Variants in TRIM33 observed in about 807,000 individuals in gnomAD.
TRIM33 encodes the protein E3 ubiquitin-protein ligase TRIM33.
A neutral mutation model predicts 125.4 loss-of-function variants in TRIM33; 20 were observed. That is an observed-to-expected ratio of 0.16 (90% confidence interval 0.11 to 0.23). The LOEUF (loss-of-function observed/expected upper bound fraction) is 0.23. Ranked by LOEUF, TRIM33 falls within the 10% of genes least tolerant of loss-of-function variation. The pLI, the probability that TRIM33 is intolerant of heterozygous loss-of-function variation, is 1.00. For synonymous variants in TRIM33, 564 were observed against 513.9 expected (o/e 1.10, Z -1.32); for missense variants, 920 against 1,411.4 (o/e 0.65, Z 5.58).
intron 13 of TRIM33, among the ~76,000 whole-genome samples, chr1:114,407,358 G>GCA (rs1322249688): frequency 1.3e-5 from 2 of 150,858 alleles, no homozygotes; most frequent in African/African-American, 2.4e-5. Flanking sequence ...ACACACACAC[G>GCA]CACACACACA....
Position 114,397,598 on chromosome 1 carries a change from TTTTTTTTCG to T in TRIM33, c.*41_*49del. ...TTTCTGGGTTTTTTGTGTTTTTTTT[TTTTTTTTCG>T]TTTTTTTTTTTTTAAACAATTGATT... is the stretch of plus-strand genomic sequence containing the variant. On this transcript the variant is annotated 3_prime_UTR_variant, in exon 20 of 20. Transcript: ENST00000358465. 1 of 1,075,446 alleles carries T rather than the reference TTTTTTTTCG, an allele frequency of 9.3e-7. No individual in the cohort carries two copies. The highest frequency in any genetic ancestry group is 1.7e-5 in the African/African-American group (1 of 60,068). The allele number at this position is 1,075,446 out of a possible 1,614,324, so 66.6% of individuals were successfully genotyped here.
chr1:114,432,764 C>T (rs910982309), intron 5 of TRIM33, among the ~76,000 whole-genome samples: 3 of 151,900 alleles, frequency 2.0e-5, no homozygotes, highest in South Asian at 4.2e-4. Flanking sequence ...CCAGCCTGGG[C>T]GACAGACCGA....
intron 11 of TRIM33, among the ~76,000 whole-genome samples, chr1:114,414,847 C>T (rs1334581407): frequency 6.6e-6 from 1 of 151,980 alleles, no homozygotes; most frequent in Non-Finnish European, 1.5e-5. Flanking sequence ...GTGGTCCTTC[C>T]TCCCAAAGCT....
chr1:114,468,386 GT>G, intron 1 of TRIM33: 1 of 335,228 alleles, frequency 3.0e-6, no homozygotes. Context: ...CAGTCCTTTA[GT>G]TAGAGGAGGA....
intron 4 of TRIM33, among the ~76,000 whole-genome samples, chr1:114,456,152 A>C (rs1411771277): frequency 2.0e-5 from 3 of 152,310 alleles, no homozygotes; most frequent in East Asian, 3.9e-4. Flanking sequence ...TGGGATAGAC[A>C]GTATGTTTGA....
At chr1:114,406,851 GACCC>G in intron 14 of TRIM33, 86 bp downstream of exon 14, 1 of 1,265,086 alleles carries the variant, frequency 7.9e-7, no homozygotes, top group Non-Finnish European at 1.1e-6. Flanking sequence ...AATGTTTCTA[GACCC>G]ACTACTTAGT....
intron 11 of TRIM33, among the ~76,000 whole-genome samples, chr1:114,413,565 AAAAAAAAAG>A (rs1224696449): frequency 2.1e-5 from 3 of 143,376 alleles, no homozygotes; most frequent in Non-Finnish European, 4.5e-5. Flanking sequence ...TCTCAAAAAA[AAAAAAAAAG>A]AAAAGAAAAG....
At chr1:114,398,442 A>G (rs1028673753) in intron 18 of TRIM33, among the ~76,000 whole-genome samples, 4 of 152,226 alleles carry the variant, frequency 2.6e-5, no homozygotes, top group Admixed American at 6.5e-5. Context: ...TCATGAAAGC[A>G]TATTTATTTG....
chr1:114,397,446 T>A lies in TRIM33; in HGVS notation c.*202A>T. ...TTTGCTTTGAAACTTGCAAACAGACTTCTCTCCCCCTTTCTTGACAAGAAT... is the reference window on the plus strand; with the variant it reads ...TTTGCTTTGAAACTTGCAAACAGACATCTCTCCCCCTTTCTTGACAAGAAT... On this transcript the variant is annotated 3_prime_UTR_variant, in exon 20 of 20. Coordinates refer to ENST00000358465, the MANE Select transcript of TRIM33 (RefSeq NM_015906.4). 1.8e-6 allele frequency: 1 copy of A among 555,932 alleles called. No homozygotes were observed. The highest frequency in any genetic ancestry group is 3.3e-5 in the Admixed American group (1 of 29,914). 34.4% of individuals were successfully genotyped at this position (555,932 alleles called of 1,614,324 possible). A position where few individuals can be genotyped will look rare whatever the true frequency, so the allele number is the denominator to read the frequency against.
At chr1:114,421,736 CAAA>C in intron 10 of TRIM33, 100 bp from the exon 11 acceptor site, 1 of 1,145,712 alleles carries the variant, frequency 8.7e-7, no homozygotes, top group South Asian at 1.4e-5. Flanking sequence ...ACAGAAGAAA[CAAA>C]GAAGTGGGCC....
chr1:114,421,358 A>G (rs1410952906), intron 11 of TRIM33, 78 bp downstream of exon 11: 4 of 1,388,834 alleles, frequency 2.9e-6, no homozygotes, highest in Non-Finnish European at 4.0e-6. Flanking sequence ...AATTAAAAAA[A>G]AAAAACTCTG....
intron 16 of TRIM33, 41 bp downstream of exon 16, chr1:114,402,719 C>A (rs1427595599): frequency 6.3e-7 from 1 of 1,597,678 alleles, no homozygotes. Context: ...AGGCAGACAA[C>A]TACTGAATCC....
intron 4 of TRIM33, among the ~76,000 whole-genome samples, chr1:114,435,108 G>T (rs1295141778): frequency 6.6e-6 from 1 of 152,182 alleles, no homozygotes; most frequent in Non-Finnish European, 1.5e-5. Context: ...GAAAACCTCT[G>T]AAGAATTCTA....
chr1:114,504,230 T>A (rs551387906), intron 1 of TRIM33, among the ~76,000 whole-genome samples: 3 of 152,112 alleles, frequency 2.0e-5, no homozygotes, highest in Non-Finnish European at 4.4e-5. Flanking sequence ...AATGGCACAA[T>A]CATGGCTCAC....
chr1:114,463,032 G>T, intron 4 of TRIM33, 72 bp downstream of exon 4: 1 of 1,197,908 alleles, frequency 8.3e-7, no homozygotes, highest in Non-Finnish European at 1.1e-6. Context: ...ATCAATATTT[G>T]CTTTAAGAAG....
chr1:114,482,008 A>C (rs904147764), intron 1 of TRIM33, among the ~76,000 whole-genome samples: 1 of 152,072 alleles, frequency 6.6e-6, no homozygotes, highest in African/African-American at 2.4e-5. Context: ...TGATCTGCCC[A>C]CCTCGGCCTC....
At chr1:114,479,559 G>A (rs183489660) in intron 1 of TRIM33, among the ~76,000 whole-genome samples, 168 of 152,112 alleles carry the variant, frequency 1.1e-3, no homozygotes, top group Admixed American at 2.0e-3. Context: ...AACAGCCACA[G>A]GTAAACAAAA....
chr1:114,440,917 T>G (rs1292661600), intron 4 of TRIM33, among the ~76,000 whole-genome samples: 1 of 152,226 alleles, frequency 6.6e-6, no homozygotes, highest in East Asian at 1.9e-4. Context: ...AACGCACATT[T>G]TTAAAGACAT....
At chr1:114,400,271 G>A (rs1298470223) in intron 17 of TRIM33, among the ~76,000 whole-genome samples, 7 of 152,092 alleles carry the variant, frequency 4.6e-5, no homozygotes, top group African/African-American at 1.7e-4. Context: ...GTGCAGTGGC[G>A]CCAACTGTGG....
Sources: gnomAD v4.1 joint callset for allele counts (sites outside exome capture counted in the v4.1 genomes callset) on GRCh38, gnomAD v4.1.1 for gene constraint, MANE v1.5 for transcripts, NCBI Gene and HGNC (gene_info 2026-07-23, HGNC 2026-07-21) for gene names.